The following CACHD1 variants were observed in gnomAD, a reference collection of about 807,000 sequenced individuals.
CACHD1 encodes cache domain containing 1.
A neutral mutation model predicts 138.7 loss-of-function variants in CACHD1; 71 were observed. The observed-to-expected ratio is 0.51, with a 90% CI of 0.42 to 0.62. The LOEUF is 0.62. CACHD1 is among the 20% of genes least tolerant of loss of function. The probability of loss-of-function intolerance (pLI) is 0.00; values close to 1 mark genes in which losing one functional copy is unlikely to be tolerated. For synonymous variants in CACHD1, 578 were observed against 591.5 expected, an observed-to-expected ratio of 0.98 and a Z score of 0.33; for missense variants, 1,389 against 1,625.3, an observed-to-expected ratio of 0.85 and a Z score of 2.50.
intron 2 of CACHD1, among the ~76,000 whole-genome samples, chr1:64,568,184 TA>T (rs1646898010): frequency 6.6e-6 from 1 of 152,210 alleles, no homozygotes; most frequent in African/African-American, 2.4e-5. Flanking sequence ...TGTTTTGTTT[TA>T]AAGTAAGTAC....
chr1:64,540,648 A>G (rs1343407594), intron 1 of CACHD1, among the ~76,000 whole-genome samples: 1 of 152,042 alleles, frequency 6.6e-6, no homozygotes, highest in Non-Finnish European at 1.5e-5. Context: ...ATGTTTACTC[A>G]CCCGCTCTCC....
intron 4 of CACHD1, among the ~76,000 whole-genome samples, chr1:64,613,127 A>G (rs1647589994): frequency 6.6e-6 from 1 of 152,222 alleles, no homozygotes; most frequent in Admixed American, 6.5e-5. Context: ...CAGGAAAACT[A>G]GAATTAGAAG....
chr1:64,473,544 G>A (rs1646157720), intron 1 of CACHD1, among the ~76,000 whole-genome samples: 1 of 151,908 alleles, frequency 6.6e-6, no homozygotes, highest in Non-Finnish European at 1.5e-5. Flanking sequence ...AGGCTTTAAG[G>A]TGTGACTTCC....
At chr1:64,567,393 G>T (rs575657022) in intron 2 of CACHD1, among the ~76,000 whole-genome samples, 1 of 152,006 alleles carries the variant, frequency 6.6e-6, no homozygotes, top group Non-Finnish European at 1.5e-5. Flanking sequence ...ATGCCAGACG[G>T]TTGCAAGAAT....
At chr1:64,598,285 G>C (rs1183189034) in intron 3 of CACHD1, among the ~76,000 whole-genome samples, 3 of 152,206 alleles carry the variant, frequency 2.0e-5, no homozygotes, top group Non-Finnish European at 4.4e-5. Context: ...GTGGTAGTGA[G>C]AAAAGCAGCA....
chr1:64,677,521 G>A (rs1650037559), intron 22 of CACHD1, among the ~76,000 whole-genome samples: 1 of 152,170 alleles, frequency 6.6e-6, no homozygotes, highest in African/African-American at 2.4e-5. Context: ...TTAGCTTATT[G>A]TAGCTGTAGC....
chr1:64,529,832 C>A (rs530897393), intron 1 of CACHD1, among the ~76,000 whole-genome samples: 1 of 152,342 alleles, frequency 6.6e-6, no homozygotes, highest in South Asian at 2.1e-4. Flanking sequence ...CAGATCAATT[C>A]ATTCCCCTGC....
intron 4 of CACHD1, among the ~76,000 whole-genome samples, 187 bp downstream of exon 4, chr1:64,603,099 C>CTTTT (rs34372401): frequency 6.2e-5 from 4 of 64,936 alleles, no homozygotes; most frequent in Non-Finnish European, 8.9e-5. Flanking sequence ...AAGCTTACAT[C>CTTTT]TTTTTTTTTT....
intron 9 of CACHD1, among the ~76,000 whole-genome samples, chr1:64,649,925 G>A (rs539621895): frequency 4.5e-4 from 69 of 152,188 alleles, no homozygotes; most frequent in African/African-American, 1.6e-3. Flanking sequence ...TCAGTCCCTA[G>A]AATTATTGAG....
Position 64,525,533 on chromosome 1 carries a change from G to A in CACHD1, c.199-25061G>A, listed in dbSNP as rs927266565. On this transcript the variant is annotated intron_variant, in intron 1 of 26. Transcript: ENST00000651257. The stretch of plus-strand genomic sequence containing the variant: ...TTTCCTCCCACACTGTATTACTGAT[G>A]ATCAAATACAGTAACCTGCAGTACT... 1.2e-4 allele frequency among the ~76,000 whole-genome samples: 19 copies of A among 152,258 alleles called. 1 individual carries two copies. The highest frequency in any genetic ancestry group is 4.3e-4 in the African/African-American group (18 of 41,540).
intron 2 of CACHD1, among the ~76,000 whole-genome samples, chr1:64,558,987 C>T (rs12071771): frequency 0.045 from 6,917 of 152,126 alleles, 265 homozygotes; most frequent in South Asian, 0.2. Context: ...TCAAAAAAGC[C>T]AAAAATTAAC....
chr1:64,645,950 T>C (rs1648888079), intron 8 of CACHD1, among the ~76,000 whole-genome samples: 1 of 152,058 alleles, frequency 6.6e-6, no homozygotes, highest in African/African-American at 2.4e-5. Context: ...TCCTGGGAAA[T>C]GTAGTTTCTA....
intron 4 of CACHD1, among the ~76,000 whole-genome samples, chr1:64,617,298 G>A (rs1452149115): frequency 6.6e-6 from 1 of 151,932 alleles, no homozygotes; most frequent in African/African-American, 2.4e-5. Flanking sequence ...TTAATTTTCT[G>A]TTATTTCTTT....
At chr1:64,644,334 A>C (rs1311478943) in intron 8 of CACHD1, among the ~76,000 whole-genome samples, 3 of 152,262 alleles carry the variant, frequency 2.0e-5, no homozygotes, top group Non-Finnish European at 4.4e-5. Context: ...TCAGAGCTGT[A>C]TTATACAAAG....
chr1:64,634,637 T>C (rs1446827777), intron 7 of CACHD1, among the ~76,000 whole-genome samples: 3 of 152,072 alleles, frequency 2.0e-5, no homozygotes, highest in African/African-American at 4.8e-5. Context: ...CACCTGCCTT[T>C]GCCTCCCGAA....
chr1:64,548,066 G>A (rs1287814635), intron 1 of CACHD1, among the ~76,000 whole-genome samples: 1 of 152,180 alleles, frequency 6.6e-6, no homozygotes, highest in Non-Finnish European at 1.5e-5. Context: ...AATCACTCCT[G>A]TTAAGATAAT....
At chr1:64,625,574 C>T (rs1648067593) in intron 4 of CACHD1, among the ~76,000 whole-genome samples, 1 of 151,554 alleles carries the variant, frequency 6.6e-6, no homozygotes, top group Non-Finnish European at 1.5e-5. Flanking sequence ...TTGCAGTGAG[C>T]CGAGATTGCA....
At chr1:64,680,554 G>A (rs532520149) in intron 24 of CACHD1, among the ~76,000 whole-genome samples, 10 of 151,904 alleles carry the variant, frequency 6.6e-5, no homozygotes, top group East Asian at 1.9e-4. Flanking sequence ...TCAATACCAC[G>A]TGCAGTATCT....
chr1:64,543,266 T>C (rs1342915441), intron 1 of CACHD1, among the ~76,000 whole-genome samples: 1 of 151,470 alleles, frequency 6.6e-6, no homozygotes, highest in African/African-American at 2.4e-5. Context: ...GATTAAAAAT[T>C]GACCAAAGGC....
Sources: allele counts gnomAD v4.1 joint callset (sites outside exome capture counted in the v4.1 genomes callset), GRCh38; gene constraint gnomAD v4.1.1; transcripts MANE v1.5; gene names NCBI Gene and HGNC (gene_info 2026-07-23, HGNC 2026-07-21).